Variants in BACE2 observed in about 807,000 individuals in gnomAD.
The protein encoded by BACE2 is 56 kDa aspartic-like protease.
In BACE2, 17 loss-of-function variants were observed where a neutral mutation model predicts 46.2. The ratio of observed to expected loss-of-function variants is 0.37; its 90% CI spans 0.25 to 0.55. The LOEUF is 0.55. BACE2 is among the 20% of genes least tolerant of loss of function. BACE2 has a pLI of 0.82. For missense variants in BACE2, 595 were observed against 698.1 expected (o/e 0.85, Z 1.66); for synonymous variants, 277 against 295.9 (o/e 0.94, Z 0.66).
intron 7 of BACE2, among the ~76,000 whole-genome samples, chr21:41,254,812 T>C (rs1987734318): frequency 6.6e-6 from 1 of 152,232 alleles, no homozygotes; most frequent in South Asian, 2.1e-4. Flanking sequence ...TGCTGTCTTC[T>C]CTCTGATGTT....
At chr21:41,230,522 T>G (rs1986940331) in intron 2 of BACE2, among the ~76,000 whole-genome samples, 1 of 152,258 alleles carries the variant, frequency 6.6e-6, no homozygotes, top group Non-Finnish European at 1.5e-5. Flanking sequence ...GTTTCTTTTC[T>G]GAGCTGCAGC....
chr21:41,255,984 A>G (rs1601313720), intron 7 of BACE2, among the ~76,000 whole-genome samples: 1 of 152,260 alleles, frequency 6.6e-6, no homozygotes, highest in African/African-American at 2.4e-5. Context: ...AAAAATCTAC[A>G]TTGTATAGAG....
chr21:41,274,581 G>C (rs2088465174), intron 8 of BACE2, among the ~76,000 whole-genome samples: 1 of 152,208 alleles, frequency 6.6e-6, no homozygotes. Context: ...TGTAGGCAAA[G>C]GAAGTCTACA....
intron 1 of BACE2, among the ~76,000 whole-genome samples, chr21:41,205,004 G>A (rs991695621): frequency 4.6e-5 from 7 of 152,098 alleles, no homozygotes; most frequent in Admixed American, 4.6e-4. Context: ...CATAGAAATA[G>A]CCTGTTTCTT....
chr21:41,197,620 C>T (rs1568864222), intron 1 of BACE2, among the ~76,000 whole-genome samples: 1 of 151,698 alleles, frequency 6.6e-6, no homozygotes, highest in Non-Finnish European at 1.5e-5. Flanking sequence ...AATTTCCTAC[C>T]TATGTAAAAA....
chr21:41,260,774 A>G (rs1601317685), intron 8 of BACE2, among the ~76,000 whole-genome samples: 1 of 152,260 alleles, frequency 6.6e-6, no homozygotes, highest in East Asian at 1.9e-4. Flanking sequence ...TGACCCTGAT[A>G]TGATGTGGGA....
chr21:41,281,277 A>G lies in BACE2; in HGVS notation c.*5653A>G, dbSNP rs1401220516. On this transcript the variant is annotated 3_prime_UTR_variant, in exon 9 of 9. Transcript: ENST00000330333. ...TTTTTTCCAATGTAGATTTATAATTAGAAATGACAGATTTATAATATAGAC... is the reference window on the plus strand; with the variant it reads ...TTTTTTCCAATGTAGATTTATAATTGGAAATGACAGATTTATAATATAGAC... 1 of 152,262 alleles carries G rather than the reference A, an allele frequency of 6.6e-6. No individual in the cohort carries two copies. The allele number at this position is 152,262 out of a possible 1,614,324, so 9.4% of individuals were successfully genotyped here.
intron 3 of BACE2, chr21:41,241,617 A>G: frequency 1.8e-6 from 1 of 563,972 alleles, no homozygotes; most frequent in East Asian, 3.1e-5. Context: ...AGCCGTGCCC[A>G]AAGGAAGAAT....
chr21:41,218,230 AG>A (rs1986533998), intron 1 of BACE2, among the ~76,000 whole-genome samples: 1 of 152,210 alleles, frequency 6.6e-6, no homozygotes, highest in South Asian at 2.1e-4. Context: ...AAGGAGAAAA[AG>A]TCACGTGTAA....
chr21:41,269,888 GTA>G (rs1183851339), intron 8 of BACE2, among the ~76,000 whole-genome samples: 1 of 152,132 alleles, frequency 6.6e-6, no homozygotes, highest in Non-Finnish European at 1.5e-5. Context: ...TACATAACAT[GTA>G]TGTTTTACTA....
chr21:41,268,567 G>T (rs796814008), intron 8 of BACE2, among the ~76,000 whole-genome samples: 1 of 152,056 alleles, frequency 6.6e-6, no homozygotes, highest in Non-Finnish European at 1.5e-5. Context: ...TTAAACTGGC[G>T]CTGTTTTTCA....
intron 1 of BACE2, among the ~76,000 whole-genome samples, chr21:41,202,701 G>A (rs906561265): frequency 6.6e-5 from 10 of 152,198 alleles, no homozygotes; most frequent in South Asian, 4.1e-4. Flanking sequence ...GAAAAACCCA[G>A]CAGAAACACT....
chr21:41,246,748 A>T (rs1193405772), intron 6 of BACE2, among the ~76,000 whole-genome samples: 1 of 152,188 alleles, frequency 6.6e-6, no homozygotes, highest in African/African-American at 2.4e-5. Context: ...AGGGCAATAA[A>T]CATTGGATAC....
intron 1 of BACE2, among the ~76,000 whole-genome samples, chr21:41,219,721 G>T (rs185418635): frequency 6.6e-6 from 1 of 152,340 alleles, no homozygotes; most frequent in Admixed American, 6.5e-5. Flanking sequence ...TCTCTCCTGT[G>T]AAATCCATGT....
intron 8 of BACE2, among the ~76,000 whole-genome samples, chr21:41,259,498 C>G (rs2123632866): frequency 6.6e-6 from 1 of 151,084 alleles, no homozygotes; most frequent in Non-Finnish European, 1.5e-5. Flanking sequence ...ACAAAAAAAC[C>G]TTAAGTTACA....
intron 8 of BACE2, among the ~76,000 whole-genome samples, chr21:41,263,738 C>T (rs1987997769): frequency 6.6e-6 from 1 of 152,174 alleles, no homozygotes. Context: ...TGTTGCTTCT[C>T]CTTAGTTACC....
At chr21:41,212,375 G>T (rs557244849) in intron 1 of BACE2, among the ~76,000 whole-genome samples, 11 of 152,148 alleles carry the variant, frequency 7.2e-5, no homozygotes, top group African/African-American at 2.4e-4. Context: ...ATATCAGTAC[G>T]TTGGGAATAA....
At chr21:41,225,901 G>T (rs2123573580) in intron 1 of BACE2, among the ~76,000 whole-genome samples, 1 of 152,100 alleles carries the variant, frequency 6.6e-6, no homozygotes, top group East Asian at 1.9e-4. Flanking sequence ...GCAAGGGGAG[G>T]GTGAGCCCAG....
chr21:41,199,232 C>T (rs1187150911), intron 1 of BACE2, among the ~76,000 whole-genome samples: 5 of 152,072 alleles, frequency 3.3e-5, no homozygotes, highest in Admixed American at 2.0e-4. Context: ...GCTCCTCTTT[C>T]CCCTTTCCTC....
Sources: gnomAD v4.1 joint callset for allele counts (sites outside exome capture counted in the v4.1 genomes callset) on GRCh38, gnomAD v4.1.1 for gene constraint, MANE v1.5 for transcripts, NCBI Gene and HGNC (gene_info 2026-07-23, HGNC 2026-07-21) for gene names.